BIN1: variants seen among roughly 807,000 people sequenced by gnomAD.
BIN1 encodes the protein bridging integrator 1, also known as myc box-dependent-interacting protein 1.
Under a neutral mutation model 82.0 loss-of-function variants are expected in BIN1, and 53 were observed. The observed-to-expected ratio is 0.65, with a 90% CI of 0.52 to 0.81. BIN1 has a LOEUF of 0.81. Among genes scored for constraint, BIN1 ranks in the 40% least tolerant of loss-of-function variants. The probability of loss-of-function intolerance (pLI) is 0.00; values close to 1 mark genes in which losing one functional copy is unlikely to be tolerated. For synonymous variants in BIN1, 302 were observed against 328.0 expected (o/e 0.92, Z 0.86); for missense variants, 642 against 784.4 (o/e 0.82, Z 2.17).
intron 12 of BIN1, chr2:127,054,361 CCA>C: frequency 2.8e-6 from 1 of 359,976 alleles, no homozygotes. Context: ...CCGCCACCAT[CCA>C]CAGACTGGTG....
chr2:127,087,856 C>A (rs1678390162), intron 1 of BIN1, among the ~76,000 whole-genome samples: 1 of 152,206 alleles, frequency 6.6e-6, no homozygotes, highest in Non-Finnish European at 1.5e-5. Flanking sequence ...ATGACTGGCT[C>A]CCCTCCCCTC....
At chr2:127,075,810 C>A (rs1392823601) in intron 2 of BIN1, among the ~76,000 whole-genome samples, 2 of 116,530 alleles carry the variant, frequency 1.7e-5, no homozygotes, top group Non-Finnish European at 3.6e-5. Context: ...CCCCCCCCAC[C>A]GCCCTCTCCC....
intron 1 of BIN1, among the ~76,000 whole-genome samples, chr2:127,083,213 G>C (rs916479953): frequency 7.2e-5 from 11 of 151,946 alleles, no homozygotes; most frequent in African/African-American, 2.4e-4. Context: ...AGCGTCCCGA[G>C]TAGCTGGGAC....
intron 14 of BIN1, 33 bp downstream of exon 14, chr2:127,053,389 A>G (rs773160345): frequency 2.5e-6 from 4 of 1,613,298 alleles, no homozygotes; most frequent in Non-Finnish European, 8.5e-7. Context: ...TGGCTCCCCC[A>G]GGGGCTGGAC....
At chr2:127,054,392 C>A (rs1278833266) in intron 12 of BIN1, 1 of 321,636 alleles carries the variant, frequency 3.1e-6, no homozygotes, top group Non-Finnish European at 6.0e-6. Context: ...CCCACCAATG[C>A]CCGAACCTCC....
chr2:127,062,108 C>T lies in BIN1; in HGVS notation c.857+7G>A, dbSNP rs2104987436. ...GTCAGGGGCGCCAGGGCTCTCCCCG[C>T]ACGCACCTGGGCTGGGCCTTGACCG... On this transcript the variant is annotated splice_region_variant and intron_variant, in intron 10 of 18. Transcript: ENST00000316724. The T allele has an allele frequency of 6.2e-7, 1 of 1,602,002 alleles. No individual in the cohort carries two copies. Among genetic ancestry groups the T allele is most frequent in the Non-Finnish European group, 8.5e-7 (1 of 1,174,802 alleles).
chr2:127,063,430 G>GGCC (rs1684751297), intron 9 of BIN1, 141 bp downstream of exon 9: 2 of 913,262 alleles, frequency 2.2e-6, no homozygotes, highest in Non-Finnish European at 3.4e-6. Context: ...TGTTCCACAG[G>GGCC]GCCGGGAGGG....
rs1195339851 is a variant in BIN1, at chr2:127,093,311, T to C, written c.84+13549A>G. Among the ~76,000 whole-genome samples, 2 of 152,204 alleles carry C rather than the reference T, an allele frequency of 1.3e-5. No individual in the cohort carries two copies. The highest frequency in any genetic ancestry group is 4.8e-5 in the African/African-American group (2 of 41,456). Reference sequence around the variant, plus strand: ...CCTGCCCTTCTGTCTCTCTCCCCTCTTTTTCCCTGCCCAGGTGAGTCATCA... The same window carrying C: ...CCTGCCCTTCTGTCTCTCTCCCCTCCTTTTCCCTGCCCAGGTGAGTCATCA... On this transcript the variant is annotated intron_variant, in intron 1 of 18. Coordinates refer to ENST00000316724, the MANE Select transcript of BIN1 (RefSeq NM_139343.3). This position sits in a 1 kb window ranked among gnomAD's most constrained non-coding sequence, Gnocchi z 5.7.
chr2:127,086,645 C>A (rs2105237424), intron 1 of BIN1, among the ~76,000 whole-genome samples: 1 of 152,130 alleles, frequency 6.6e-6, no homozygotes, highest in Non-Finnish European at 1.5e-5. Flanking sequence ...GTCGCTGGGA[C>A]TACAGGCGCA....
At chr2:127,086,236 C>T (rs555899757) in intron 1 of BIN1, among the ~76,000 whole-genome samples, 4 of 152,292 alleles carry the variant, frequency 2.6e-5, no homozygotes, top group Admixed American at 2.6e-4. Flanking sequence ...AGTTCCAAAG[C>T]CCAGACTCAA....
chr2:127,053,982 C>A lies in BIN1; in HGVS notation c.1162G>T (p.Ala388Ser). The change falls in exon 13 of 19, where the codon GCC (alanine) becomes TCC (serine). Residue 388 changes from alanine to serine, a missense_variant. Transcript: ENST00000316724. ...TCAAAGTCCAGGTCCAGCAGACTGGCCTGCTCCGAGAAAGGCCCCGGGGCC... is the reference window on the plus strand; with the variant it reads ...TCAAAGTCCAGGTCCAGCAGACTGGACTGCTCCGAGAAAGGCCCCGGGGCC... ...FEAPGPFSEQASLLDLDFDPL... is the reference protein window; with the variant it reads ...FEAPGPFSEQSSLLDLDFDPL... 1 of 1,551,432 alleles carries A rather than the reference C, an allele frequency of 6.4e-7. No individual in the cohort carries two copies.
chr2:127,076,563 CATTTTTCACCTGGCAGCCG>C, intron 2 of BIN1, 44 bp downstream of exon 2: 2 of 1,589,590 alleles, frequency 1.3e-6, no homozygotes, highest in Non-Finnish European at 1.7e-6. Flanking sequence ...CAGCTCGTGC[CATTTTTCACCTGGCAGCCG>C]AATTTTCACA....
Position 127,059,474 on chromosome 2 carries a change from C to A in BIN1, c.858-319G>T, listed in dbSNP as rs1684162597. Among the ~76,000 whole-genome samples, 2 of 152,144 alleles carry A rather than the reference C, an allele frequency of 1.3e-5. No homozygotes were observed. Among genetic ancestry groups the A allele is most frequent in the Admixed American group, 6.5e-5 (1 of 15,294 alleles). ...TCTGTCGCAGAGACCAGACCAACCA[C>A]CCCACAGGCTCCATGGGGTCCACCA... On this transcript the variant is annotated intron_variant, in intron 10 of 18. Coordinates refer to ENST00000316724, the MANE Select transcript of BIN1 (RefSeq NM_139343.3). This position sits in a 1 kb window ranked among gnomAD's most constrained non-coding sequence, Gnocchi z 6.7.
chr2:127,073,609 C>T (rs1438414579), intron 2 of BIN1, among the ~76,000 whole-genome samples: 1 of 152,184 alleles, frequency 6.6e-6, no homozygotes, highest in Non-Finnish European at 1.5e-5. Flanking sequence ...CAGGGACGGC[C>T]CTCCTACGTG....
At position 127,048,298 on chromosome 2, in the gene BIN1, G is replaced by C. The variant is rs755038125; in HGVS notation, c.*228C>G. On this transcript the variant is annotated 3_prime_UTR_variant, in exon 19 of 19. Transcript: ENST00000316724. ...CAGGGGCGCCAGAAACTCAACTAGA[G>C]GACACAGCAGCTTCAGGAACACTGG... The C allele has an allele frequency of 8.4e-5, 46 of 545,958 alleles. No individual in the cohort carries two copies. Among genetic ancestry groups the C allele is most frequent in the Admixed American group, 2.8e-4 (9 of 32,566 alleles). The allele number at this position is 545,958 out of a possible 1,614,324, so 33.8% of individuals were successfully genotyped here.
At chr2:127,105,450 A>G in intron 1 of BIN1, among the ~76,000 whole-genome samples, 1 of 132,324 alleles carries the variant, frequency 7.6e-6, no homozygotes, top group East Asian at 2.6e-4. Flanking sequence ...CCAGCCAGCT[A>G]TTCCTGGGGC....
At chr2:127,060,717 C>G in intron 10 of BIN1, 1 of 1,568,094 alleles carries the variant, frequency 6.4e-7, no homozygotes, top group Admixed American at 1.8e-5. Context: ...CCCCTTCCCT[C>G]TTTGCCAACC....
intron 1 of BIN1, among the ~76,000 whole-genome samples, chr2:127,095,772 C>T (rs1300185246): frequency 1.3e-5 from 2 of 152,208 alleles, no homozygotes; most frequent in Non-Finnish European, 2.9e-5. Context: ...TCCCACCTAC[C>T]TCACAGGGCA....
intron 1 of BIN1, among the ~76,000 whole-genome samples, chr2:127,084,585 C>T (rs17014926): frequency 3.0e-4 from 46 of 152,326 alleles, no homozygotes; most frequent in African/African-American, 1.0e-3. Context: ...TTAGGCATTT[C>T]AGCGTTCCCT....
Sources: gnomAD v4.1 joint callset for allele counts (sites outside exome capture counted in the v4.1 genomes callset) on GRCh38, gnomAD v4.1.1 for gene constraint, Gnocchi (gnomAD v3.1) non-coding constraint, MANE v1.5 for transcripts, NCBI Gene and HGNC (gene_info 2026-07-23, HGNC 2026-07-21) for gene names.